TALDO1: variants seen among roughly 807,000 people sequenced by gnomAD.
TALDO1 encodes transaldolase.
In TALDO1, 29 loss-of-function variants were observed where a neutral mutation model predicts 38.1. The ratio of observed to expected loss-of-function variants is 0.76; its 90% CI spans 0.57 to 1.04. The LOEUF (loss-of-function observed/expected upper bound fraction) is 1.04, where lower values mean the gene tolerates loss of function less well. TALDO1 is among the 50% of genes least tolerant of loss of function. The pLI, the probability that TALDO1 is intolerant of heterozygous loss-of-function variation, is 0.00. For missense variants in TALDO1, 499 were observed against 438.1 expected (o/e 1.14, Z -1.24); for synonymous variants, 207 against 176.8 (o/e 1.17, Z -1.36).
chr11:763,647 G>A (rs904041335), intron 5 of TALDO1, 100 bp from the exon 6 acceptor site: 1 of 1,566,716 alleles, frequency 6.4e-7, no homozygotes, highest in Non-Finnish European at 8.8e-7. Context: ...GGGCAGGCAG[G>A]GGTGGCGGCT....
chr11:760,573 C>CT (rs1235767380), intron 4 of TALDO1: 1 of 357,362 alleles, frequency 2.8e-6, no homozygotes, highest in African/African-American at 2.1e-5. Context: ...CAACACAAGC[C>CT]TATGTTTACA....
chr11:763,226 C>CCCCCCCCCCCCCCCA, intron 4 of TALDO1, 118 bp from the exon 5 acceptor site: 1 of 141,394 alleles, frequency 7.1e-6, no homozygotes, highest in Admixed American at 7.4e-5. Context: ...CCTGCCCCCG[C>CCCCCCCCCCCCCCCA]CCTCACCCGC....
chr11:752,394 C>CT (rs1862765779), intron 1 of TALDO1: 1 of 152,354 alleles, frequency 6.6e-6, no homozygotes, highest in East Asian at 1.9e-4. Flanking sequence ...ACTTGCTTTT[C>CT]TAATTGTGGG....
intron 2 of TALDO1, among the ~76,000 whole-genome samples, chr11:757,495 T>C (rs1862858581): frequency 2.0e-5 from 3 of 152,156 alleles, no homozygotes; most frequent in African/African-American, 7.2e-5. Context: ...GGTTTCACCA[T>C]GTTGCCCTAG....
chr11:763,182 T>C (rs769579154), intron 4 of TALDO1, among the ~76,000 whole-genome samples, 162 bp from the exon 5 acceptor site: 21 of 116,002 alleles, frequency 1.8e-4, no homozygotes, highest in Non-Finnish European at 3.1e-4. Flanking sequence ...CTGGCCTGCA[T>C]TCACCTGCCC....
intron 1 of TALDO1, among the ~76,000 whole-genome samples, chr11:750,639 A>G (rs1862734282): frequency 6.6e-6 from 1 of 152,130 alleles, no homozygotes; most frequent in Non-Finnish European, 1.5e-5. Context: ...CCTGGCTAAC[A>G]CGGTGAAACC....
chr11:764,882 G>C lies in TALDO1; in HGVS notation c.*37G>C. 1 of 1,613,708 alleles carries C rather than the reference G, an allele frequency of 6.2e-7. No homozygotes were observed. The highest frequency in any genetic ancestry group is 8.5e-7 in the Non-Finnish European group (1 of 1,179,994). On this transcript the variant is annotated 3_prime_UTR_variant, in exon 8 of 8. Coordinates refer to ENST00000319006, the MANE Select transcript of TALDO1 (RefSeq NM_006755.2). The stretch of plus-strand genomic sequence containing the variant: ...GGCTGGACTCCAGATCTGCACCGCC[G>C]GCCAGCTGGGATCTGACTGCACGTG...
intron 2 of TALDO1, among the ~76,000 whole-genome samples, chr11:757,432 A>G (rs1468806506): frequency 6.6e-6 from 1 of 151,856 alleles, no homozygotes; most frequent in Non-Finnish European, 1.5e-5. Context: ...AGCTGGGACT[A>G]CAGGTGCACG....
At chr11:752,171 G>A (rs1345331355) in intron 1 of TALDO1, 1 of 151,772 alleles carries the variant, frequency 6.6e-6, no homozygotes, top group African/African-American at 2.4e-5. Flanking sequence ...CCGGGTTCAC[G>A]CCATTCTTCT....
chr11:761,349 A>AG (rs1411274406), intron 4 of TALDO1, among the ~76,000 whole-genome samples: 7 of 150,898 alleles, frequency 4.6e-5, no homozygotes, highest in Non-Finnish European at 8.9e-5. Context: ...AAAAAAAAAA[A>AG]AAAAGAAAAG....
Position 747,499 on chromosome 11 carries a change from G to A in TALDO1, c.18G>A (p.Val6=). ...GTCTTGCTATGTCGAGCTCACCCGT[G>A]AAGCGTCAGAGGATGGAGTCCGCGC... is the stretch of plus-strand genomic sequence containing the variant. MSSSP[V]KRQRMESALD... Residue 6 remains valine (V), a synonymous_variant, in exon 1 of 8, where the codon GTG becomes GTA. Coordinates refer to ENST00000319006, the MANE Select transcript of TALDO1 (RefSeq NM_006755.2). 1 of 1,599,996 alleles carries A rather than the reference G, an allele frequency of 6.3e-7. No homozygotes were observed. The highest frequency in any genetic ancestry group is 8.5e-7 in the Non-Finnish European group (1 of 1,174,812).
intron 2 of TALDO1, among the ~76,000 whole-genome samples, chr11:757,259 A>G (rs1564991729): frequency 1.3e-5 from 2 of 149,042 alleles, no homozygotes; most frequent in African/African-American, 2.5e-5. Flanking sequence ...TCAACAGATG[A>G]GCCCTGCACC....
At chr11:764,055 G>A in intron 6 of TALDO1, 111 bp downstream of exon 6, 2 of 1,417,276 alleles carry the variant, frequency 1.4e-6, no homozygotes, top group Non-Finnish European at 1.9e-6. Context: ...CATCTTGGGA[G>A]ACATGAGGGT....
At position 747,629 on chromosome 11, in the gene TALDO1, C is replaced by T. The variant is rs560541916; in HGVS notation, c.97+51C>T. 11 of 1,457,510 alleles carry T rather than the reference C, an allele frequency of 7.5e-6. No homozygotes were observed. The Admixed American group carries it at 1.1e-4, about 14-fold the overall frequency. The allele number at this position is 1,457,510 out of a possible 1,614,324, so 90.3% of individuals were successfully genotyped here. A position where few individuals can be genotyped will look rare whatever the true frequency, so the allele number is the denominator to read the frequency against. ...CGGCGCAAGCGCCCTCCAGAGGCCCCGGCGCCCCGATTTCCCCGGGTCTCC... is the reference window on the plus strand; with the variant it reads ...CGGCGCAAGCGCCCTCCAGAGGCCCTGGCGCCCCGATTTCCCCGGGTCTCC... On this transcript the variant is annotated intron_variant, in intron 1 of 7. Coordinates refer to ENST00000319006, the MANE Select transcript of TALDO1 (RefSeq NM_006755.2).
At position 760,412 on chromosome 11, in the gene TALDO1, G is replaced by C. The variant is rs1442918224; in HGVS notation, c.461+159G>C. ...GACTTGACCAGCTCATGTCAGCCTA[G>C]ATCTGCCCTCTGCTCCAGAGCCAGC... On this transcript the variant is annotated intron_variant, in intron 4 of 7. Coordinates refer to ENST00000319006, the MANE Select transcript of TALDO1 (RefSeq NM_006755.2). The C allele has an allele frequency of 2.8e-6, 3 of 1,084,340 alleles. No homozygotes were observed. In the East Asian group the frequency reaches 7.9e-5, roughly 28 times the overall value. 67.2% of individuals were successfully genotyped at this position (1,084,340 alleles called of 1,614,324 possible). A position where few individuals can be genotyped will look rare whatever the true frequency, so the allele number is the denominator to read the frequency against.
intron 4 of TALDO1, among the ~76,000 whole-genome samples, chr11:761,416 G>A (rs1054478641): frequency 4.0e-5 from 6 of 150,842 alleles, no homozygotes; most frequent in Admixed American, 2.6e-4. Flanking sequence ...CGGGAGGATC[G>A]CTTGAGCCTG....
At chr11:758,896 C>T in intron 2 of TALDO1, 54 bp from the exon 3 acceptor site, 5 of 1,495,748 alleles carry the variant, frequency 3.3e-6, no homozygotes, top group Middle Eastern at 1.8e-4. Context: ...TGAGCCACCG[C>T]ACCTGGCGAA....
intron 1 of TALDO1, among the ~76,000 whole-genome samples, chr11:754,324 A>C (rs1435540016): frequency 6.6e-6 from 1 of 152,012 alleles, no homozygotes; most frequent in Non-Finnish European, 1.5e-5. Context: ...TAAAGCAGAG[A>C]ATGTCAGCTT....
chr11:761,797 C>A, intron 4 of TALDO1, among the ~76,000 whole-genome samples: 1 of 152,096 alleles, frequency 6.6e-6, no homozygotes, highest in African/African-American at 2.4e-5. Flanking sequence ...CCACCTCAGT[C>A]CCCCAAGTGG....
Sources: allele counts gnomAD v4.1 joint callset (sites outside exome capture counted in the v4.1 genomes callset), GRCh38; gene constraint gnomAD v4.1.1; transcripts MANE v1.5; gene names NCBI Gene and HGNC (gene_info 2026-07-23, HGNC 2026-07-21).